Variants in IWS1 observed in about 807,000 individuals in gnomAD.
The protein encoded by IWS1 is protein IWS1 homolog.
IWS1 carries 27 observed loss-of-function variants against 86.7 expected under a neutral mutation model. The ratio of observed to expected loss-of-function variants is 0.31; its 90% CI spans 0.23 to 0.43. The LOEUF is 0.43. Among genes scored for constraint, IWS1 ranks in the 20% least tolerant of loss-of-function variants. The probability of loss-of-function intolerance (pLI) is 1.00; values close to 1 mark genes in which losing one functional copy is unlikely to be tolerated. For missense variants in IWS1, 827 were observed against 1,000.8 expected (o/e 0.83, Z 2.34); for synonymous variants, 313 against 335.1 (o/e 0.93, Z 0.72).
chr2:127,489,401 C>T lies in IWS1; in HGVS notation c.2160-166G>A. 5.0e-6 allele frequency: 3 copies of T among 600,446 alleles called. No homozygotes were observed. Among genetic ancestry groups the T allele is most frequent in the Non-Finnish European group, 8.9e-6 (3 of 335,880 alleles). 37.2% of individuals were successfully genotyped at this position (600,446 alleles called of 1,614,324 possible). A position where few individuals can be genotyped will look rare whatever the true frequency, so the allele number is the denominator to read the frequency against. On this transcript the variant is annotated intron_variant, in intron 11 of 13. Coordinates refer to ENST00000295321, the MANE Select transcript of IWS1 (RefSeq NM_017969.3). The surrounding 1 kb of genome is among the most constrained non-coding windows in gnomAD (Gnocchi z 4.8). ...AAAAAGTACTACTCATTTTAGTATT[C>T]ATTTGCATAACAGGTTTCCTTGTGG...
chr2:127,508,677 C>G (rs1029451829), intron 2 of IWS1, among the ~76,000 whole-genome samples: 11 of 150,870 alleles, frequency 7.3e-5, no homozygotes, highest in African/African-American at 9.9e-5. Flanking sequence ...CAACGCAGCA[C>G]AGAGAGCTTA....
Position 127,493,358 on chromosome 2 carries a change from C to T in IWS1, c.1852G>A (p.Glu618Lys). ...IDSGVMSAIK[E>K]WLSPLPDRSL... ...CTATCTGGTAGAGGTGAGAGCCATT[C>T]TTTGATGGCAGACATCACACCACTG... The change falls in exon 9 of 14, where the codon GAA becomes AAA. Residue 618 changes from glutamate (E) to lysine (K), a missense_variant. Coordinates refer to ENST00000295321, the MANE Select transcript of IWS1 (RefSeq NM_017969.3). The T allele has an allele frequency of 6.2e-7, 1 of 1,613,476 alleles. No individual in the cohort carries two copies. The highest frequency in any genetic ancestry group is 8.5e-7 in the Non-Finnish European group (1 of 1,179,694).
chr2:127,487,286 C>T (rs1689979190), intron 12 of IWS1, among the ~76,000 whole-genome samples: 1 of 152,188 alleles, frequency 6.6e-6, no homozygotes, highest in East Asian at 1.9e-4. Flanking sequence ...GATGTTGATA[C>T]AGTACACTAA....
intron 2 of IWS1, among the ~76,000 whole-genome samples, chr2:127,515,192 G>A (rs1448110873): frequency 1.3e-5 from 2 of 152,190 alleles, no homozygotes; most frequent in Non-Finnish European, 2.9e-5. Flanking sequence ...GGGCGGCTCT[G>A]GGTCTTCACC....
chr2:127,526,682 C>A (rs1286003032), upstream of IWS1: 5 of 1,311,264 alleles, frequency 3.8e-6, no homozygotes, highest in Non-Finnish European at 5.0e-6. Flanking sequence ...ATAACGTTAT[C>A]ATTGATTCTT....
intron 6 of IWS1, among the ~76,000 whole-genome samples, chr2:127,497,570 A>C (rs1690580117): frequency 6.6e-6 from 1 of 152,252 alleles, no homozygotes; most frequent in Non-Finnish European, 1.5e-5. Context: ...CCACTATCCT[A>C]TCAATTCAAT....
Position 127,505,206 on chromosome 2 carries a change from G to C in IWS1, c.697C>G (p.Gln233Glu), listed in dbSNP as rs749359752. 53 of 1,613,896 alleles carry C rather than the reference G, an allele frequency of 3.3e-5. No homozygotes were observed. Among genetic ancestry groups the C allele is most frequent in the Admixed American group, 6.7e-5 (4 of 60,006 alleles). The change falls in exon 3 of 14, where the codon CAG becomes GAG. Residue 233 changes from glutamine to glutamate, a missense_variant. Gln to Glu is a conservative substitution (Grantham distance 29). This residue lies in a region of IWS1 where 548 missense variants were observed against 560.2 expected (regional missense o/e 0.98). Coordinates refer to ENST00000295321, the MANE Select transcript of IWS1 (RefSeq NM_017969.3). The surrounding 1 kb of genome is among the most constrained non-coding windows in gnomAD (Gnocchi z 5.0). ...TCCTCATTTTCAGAGTCACTGGCCT[G>C]GTGCCTTGGGGGTTCCTCACTTTCT... ...DSESEEPPRH[Q>E]ASDSENEELP...
At chr2:127,491,273 C>T (rs1690213453) in intron 10 of IWS1, among the ~76,000 whole-genome samples, 1 of 152,186 alleles carries the variant, frequency 6.6e-6, no homozygotes, top group African/African-American at 2.4e-5. Flanking sequence ...AAAGAAAACA[C>T]ATAATTATCT....
chr2:127,510,988 C>T (rs1691418595), intron 2 of IWS1, among the ~76,000 whole-genome samples: 2 of 152,222 alleles, frequency 1.3e-5, no homozygotes, highest in South Asian at 4.1e-4. Context: ...ATGTGGTCCA[C>T]ATGATTCTGA....
intron 13 of IWS1, among the ~76,000 whole-genome samples, chr2:127,485,010 AAAAG>A (rs1175506772): frequency 6.6e-6 from 1 of 151,952 alleles, no homozygotes; most frequent in East Asian, 1.9e-4. Flanking sequence ...AAGAAAAAGA[AAAAG>A]AAAAAGAAAA....
chr2:127,516,519 T>C (rs1370765956), intron 2 of IWS1, among the ~76,000 whole-genome samples: 1 of 152,104 alleles, frequency 6.6e-6, no homozygotes, highest in East Asian at 1.9e-4. Flanking sequence ...CCAGTACTGC[T>C]GAGAGGCCAG....
rs1260125033 is a variant in IWS1 at position 127,526,377 on chromosome 2, T to C, written c.-169A>G. ...AAGCGGTAGCGGCAAAGGCGAATTC[T>C]TTGACCTGGAAGCCCCGGCGGAAAA... is the stretch of plus-strand genomic sequence containing the variant. On this transcript the variant is annotated 5_prime_UTR_variant, in exon 1 of 14. Coordinates refer to ENST00000295321, the MANE Select transcript of IWS1 (RefSeq NM_017969.3). 2 of 1,536,232 alleles carry C rather than the reference T, an allele frequency of 1.3e-6. No individual in the cohort carries two copies. The highest frequency in any genetic ancestry group is 1.4e-5 in the African/African-American group (1 of 73,034).
intron 2 of IWS1, among the ~76,000 whole-genome samples, chr2:127,521,330 G>T (rs72838656): frequency 6.6e-6 from 1 of 152,152 alleles, no homozygotes; most frequent in African/African-American, 2.4e-5. Flanking sequence ...CATATACCTG[G>T]GACAGAATGA....
At position 127,480,879 on chromosome 2, in the gene IWS1, A is replaced by G. The variant is rs2105012625; in HGVS notation, c.*165T>C. 1 of 693,556 alleles carries G rather than the reference A, an allele frequency of 1.4e-6. No individual in the cohort carries two copies. The highest frequency in any genetic ancestry group is 3.2e-5 in the Admixed American group (1 of 31,338). The allele number at this position is 693,556 out of a possible 1,614,324, so 43.0% of individuals were successfully genotyped here. ...ACTAGTATTCCTTTGTACAAAGTAC[A>G]CAACGGTTTTAAATATAACTGAGAG... On this transcript the variant is annotated 3_prime_UTR_variant, in exon 14 of 14. Transcript: ENST00000295321.
At chr2:127,512,357 G>A (rs1361461797) in intron 2 of IWS1, among the ~76,000 whole-genome samples, 1 of 152,168 alleles carries the variant, frequency 6.6e-6, no homozygotes, top group Non-Finnish European at 1.5e-5. Flanking sequence ...CTCACTTGGT[G>A]CTCAAATTGC....
chr2:127,516,225 G>A (rs1453995139), intron 2 of IWS1, among the ~76,000 whole-genome samples: 1 of 152,162 alleles, frequency 6.6e-6, no homozygotes, highest in Non-Finnish European at 1.5e-5. Context: ...GGCGTGTGGT[G>A]TATGCCTGTG....
rs779498619 is a variant in IWS1, at chr2:127,505,708, A to G, written c.195T>C (p.His65=). 6.8e-6 allele frequency: 11 copies of G among 1,610,240 alleles called. 1 individual carries two copies. In the South Asian group the frequency reaches 1.0e-4, roughly 15 times the overall value. ...DREDGLPKGH[H]VTDSENDEPL... ...GCTCATCGTTCTCAGAGTCTGTCAC[A>G]TGATGTCCTTTGGGGAGGCCATCTT... The change falls in exon 3 of 14, where the codon CAT becomes CAC. Residue 65 remains histidine, a synonymous_variant. Coordinates refer to ENST00000295321, the MANE Select transcript of IWS1 (RefSeq NM_017969.3). This position sits in a 1 kb window ranked among gnomAD's most constrained non-coding sequence, Gnocchi z 5.0.
chr2:127,521,761 T>A (rs917997403), intron 2 of IWS1, among the ~76,000 whole-genome samples: 1 of 152,212 alleles, frequency 6.6e-6, no homozygotes, highest in South Asian at 2.1e-4. Flanking sequence ...AGTCAAATTA[T>A]AGTTTAAGTC....
chr2:127,502,730 T>C (rs1012670525), intron 5 of IWS1, 85 bp downstream of exon 5: 2 of 665,730 alleles, frequency 3.0e-6, no homozygotes, highest in Non-Finnish European at 5.4e-6. Context: ...TCCTACTTAT[T>C]AGAATCATCT....
Sources: gnomAD v4.1 joint callset for allele counts (sites outside exome capture counted in the v4.1 genomes callset) on GRCh38, gnomAD v4.1.1 for gene constraint, gnomAD v4.1.1 regional missense constraint, Gnocchi (gnomAD v3.1) non-coding constraint, MANE v1.5 for transcripts, NCBI Gene and HGNC (gene_info 2026-07-23, HGNC 2026-07-21) for gene names.